SLC22A25: variants seen among roughly 807,000 people sequenced by gnomAD.
The protein encoded by SLC22A25 is MGI:2442751, MGI:2385316, MGI:3042283, MGI:3645714, MGI:3605624, MGI:2442750.
SLC22A25 carries 44 observed loss-of-function variants against 45.9 expected under a neutral mutation model. That is an observed-to-expected ratio of 0.96 (90% CI 0.75 to 1.23). The LOEUF is 1.23. Ranked by LOEUF, SLC22A25 falls within the 50% of genes most tolerant of loss-of-function variation. The pLI, the probability that SLC22A25 is intolerant of heterozygous loss-of-function variation, is 0.00. For synonymous variants in SLC22A25, 283 were observed against 238.6 expected (o/e 1.19, Z -1.72); for missense variants, 800 against 666.4 (o/e 1.20, Z -2.21).
chr11:63,223,877 G>A (rs2089903967), intron 5 of SLC22A25, among the ~76,000 whole-genome samples: 1 of 151,888 alleles, frequency 6.6e-6, no homozygotes, highest in Admixed American at 6.6e-5. Context: ...ATACCCACTA[G>A]TCATTCAGGA....
At chr11:63,170,993 G>A (rs2134714765) in intron 9 of SLC22A25, among the ~76,000 whole-genome samples, 1 of 152,324 alleles carries the variant, frequency 6.6e-6, no homozygotes, top group Non-Finnish European at 1.5e-5. Context: ...TCCCTGGGAT[G>A]CAAGGCTGGT....
Position 63,203,094 on chromosome 11 carries a change from CAGAA to C in SLC22A25, c.830+14216_830+14219del, listed in dbSNP as rs377313261. Among the ~76,000 whole-genome samples the C allele has an allele frequency of 4.4e-4, 67 of 152,284 alleles. 3 individuals are homozygous for C. Among genetic ancestry groups the C allele is most frequent in the East Asian group, 2.3e-3 (12 of 5,188 alleles). On this transcript the variant is annotated intron_variant, in intron 7 of 11. Coordinates refer to ENST00000306494, the MANE Select transcript of SLC22A25 (RefSeq NM_199352.6). ...GATTATTAGAAGTCAAACTAACAAA[CAGAA>C]AGGAATAGCATCAACATCAACAAAA...
Position 63,232,775 on chromosome 11 carries a change from A to C in SLC22A25, c.-444-2679T>G, listed in dbSNP as rs147299828. 2.0e-4 allele frequency among the ~76,000 whole-genome samples: 31 copies of C among 152,316 alleles called. 1 individual carries two copies. In the East Asian group the frequency reaches 6.0e-3, roughly 29 times the overall value. On this transcript the variant is annotated intron_variant, in intron 3 of 11. Transcript: ENST00000306494. Reference sequence around the variant, plus strand: ...GTGTGTTATTCACTGTGGGTTTGTCATAAATAGCTCTTATTATTTTGAGAT... The same window carrying C: ...GTGTGTTATTCACTGTGGGTTTGTCCTAAATAGCTCTTATTATTTTGAGAT...
At chr11:63,180,927 A>T in intron 8 of SLC22A25, 152 bp from the exon 9 acceptor site, 1 of 583,422 alleles carries the variant, frequency 1.7e-6, no homozygotes, top group African/African-American at 1.9e-5. Context: ...GCAAATATAA[A>T]AGTGGTATGG....
intron 7 of SLC22A25, among the ~76,000 whole-genome samples, chr11:63,195,296 T>C (rs1344396588): frequency 1.3e-5 from 2 of 152,128 alleles, no homozygotes; most frequent in East Asian, 3.8e-4. Flanking sequence ...ATCAACAGAA[T>C]ATACATTCTT....
chr11:63,229,098 G>T (rs1055158276), intron 4 of SLC22A25, among the ~76,000 whole-genome samples, 153 bp downstream of exon 4: 1 of 152,158 alleles, frequency 6.6e-6, no homozygotes, highest in African/African-American at 2.4e-5. Flanking sequence ...AAATGTGCAG[G>T]TATCTGGCAT....
intron 7 of SLC22A25, among the ~76,000 whole-genome samples, chr11:63,192,432 AG>A (rs2088849728): frequency 6.6e-6 from 1 of 152,224 alleles, no homozygotes; most frequent in Admixed American, 6.5e-5. Flanking sequence ...CTCATGAACA[AG>A]TCTGAAAAAT....
rs1270638186 is a variant in SLC22A25 at position 63,159,360 on chromosome 11, G to T, written c.*4464C>A. 6.6e-6 allele frequency among the ~76,000 whole-genome samples: 1 copy of T among 152,096 alleles called. No individual in the cohort carries two copies. The highest frequency in any genetic ancestry group is 1.5e-5 in the Non-Finnish European group (1 of 68,014). The stretch of plus-strand genomic sequence containing the variant: ...CCACCTGTCATGGGAGGGAGCCTGT[G>T]GGAGGTAATTGAATCATGGGGCCAG... On this transcript the variant is annotated 3_prime_UTR_variant, in exon 12 of 12. Transcript: ENST00000306494.
Position 63,229,751 on chromosome 11 carries a change from T to G in SLC22A25, c.-99A>C, listed in dbSNP as rs182330173. ...CTTTCCTTAAATCACACTAAGTGTGTGTGTTGATCCTGACCCCACTCTCTT... is the reference window on the plus strand; with the variant it reads ...CTTTCCTTAAATCACACTAAGTGTGGGTGTTGATCCTGACCCCACTCTCTT... On this transcript the variant is annotated 5_prime_UTR_variant, in exon 4 of 12. Coordinates refer to ENST00000306494, the MANE Select transcript of SLC22A25 (RefSeq NM_199352.6). The G allele has an allele frequency of 1.6e-6, 2 of 1,273,138 alleles. No homozygotes were observed. Among genetic ancestry groups the G allele is most frequent in the Admixed American group, 4.8e-5 (2 of 41,286 alleles). The allele number at this position is 1,273,138 out of a possible 1,614,324, so 78.9% of individuals were successfully genotyped here. A position where few individuals can be genotyped will look rare whatever the true frequency, so the allele number is the denominator to read the frequency against.
At position 63,163,677 on chromosome 11, in the gene SLC22A25, G is replaced by A; in HGVS notation, c.*147C>T. On this transcript the variant is annotated 3_prime_UTR_variant, in exon 12 of 12. Transcript: ENST00000306494. ...GGGCAGAGATGGTCTGTGTGATCTA[G>A]TGAGGCTCAGGGGATGTATGAGGTC... 8.4e-7 allele frequency: 1 copy of A among 1,186,320 alleles called. No homozygotes were observed. Among genetic ancestry groups the A allele is most frequent in the Non-Finnish European group, 1.2e-6 (1 of 862,190 alleles). The allele number at this position is 1,186,320 out of a possible 1,614,324, so 73.5% of individuals were successfully genotyped here. A position where few individuals can be genotyped will look rare whatever the true frequency, so the allele number is the denominator to read the frequency against.
intron 1 of SLC22A25, among the ~76,000 whole-genome samples, chr11:63,241,722 A>G (rs766885376): frequency 6.6e-6 from 1 of 152,178 alleles, no homozygotes; most frequent in African/African-American, 2.4e-5. Context: ...AAGTCATTCT[A>G]TATCTGAACC....
At chr11:63,174,546 C>T (rs112623536) in intron 9 of SLC22A25, among the ~76,000 whole-genome samples, 3,574 of 152,206 alleles carry the variant, frequency 0.023, 140 homozygotes, top group African/African-American at 0.08. Flanking sequence ...AAATCACCCA[C>T]GTCTAGTTCC....
intron 1 of SLC22A25, among the ~76,000 whole-genome samples, chr11:63,241,522 A>C (rs755093200): frequency 3.9e-5 from 6 of 152,128 alleles, no homozygotes; most frequent in Non-Finnish European, 8.8e-5. Context: ...GGTCCAGTCC[A>C]TCAAACAAAG....
chr11:63,184,953 G>A (rs1387267449), intron 7 of SLC22A25, among the ~76,000 whole-genome samples: 2 of 151,966 alleles, frequency 1.3e-5, no homozygotes, highest in Admixed American at 1.3e-4. Flanking sequence ...TTCAGAATAT[G>A]GATAGGAATG....
chr11:63,194,841 T>TAGGCTCAA (rs1198145116), intron 7 of SLC22A25, among the ~76,000 whole-genome samples: 9 of 129,590 alleles, frequency 6.9e-5, no homozygotes, highest in Non-Finnish European at 1.1e-4. Flanking sequence ...GAGACACACA[T>TAGGCTCAA]AGGCTCAAAA....
chr11:63,213,215 G>A (rs777502693), intron 7 of SLC22A25, among the ~76,000 whole-genome samples: 4 of 152,140 alleles, frequency 2.6e-5, no homozygotes, highest in Admixed American at 1.3e-4. Flanking sequence ...CCTTATATGA[G>A]GCTATCAAAG....
chr11:63,242,936 C>T (rs74679359), intron 1 of SLC22A25: 5,902 of 154,538 alleles, frequency 0.038, 405 homozygotes, highest in African/African-American at 0.13. Context: ...TCTGTCTCTG[C>T]CCTCACCTCT....
chr11:63,231,668 A>T (rs2090071743), intron 3 of SLC22A25, among the ~76,000 whole-genome samples: 1 of 151,766 alleles, frequency 6.6e-6, no homozygotes, highest in East Asian at 1.9e-4. Flanking sequence ...CCCATTTGTC[A>T]ATTTTGGCAT....
At chr11:63,219,835 A>AG (rs2089809216) in intron 5 of SLC22A25, 6 of 1,001,654 alleles carry the variant, frequency 6.0e-6, no homozygotes, top group Non-Finnish European at 8.2e-6. Context: ...TGTCCCAGAG[A>AG]GCTGGGTTAC....
Sources: allele counts gnomAD v4.1 joint callset (sites outside exome capture counted in the v4.1 genomes callset), GRCh38; gene constraint gnomAD v4.1.1; transcripts MANE v1.5; gene names NCBI Gene and HGNC (gene_info 2026-07-23, HGNC 2026-07-21).